The following CNBD1 variants were observed in gnomAD, a reference collection of about 807,000 sequenced individuals.
The protein encoded by CNBD1 is cyclic nucleotide binding domain containing 1.
CNBD1 carries 71 observed loss-of-function variants against 54.4 expected under a neutral mutation model. The observed-to-expected ratio is 1.30, with a 90% CI of 1.08 to 1.59. The LOEUF is 1.59. Among genes scored for constraint, CNBD1 ranks in the 40% most tolerant of loss-of-function variants. The pLI is 0.00. For synonymous variants in CNBD1, 182 were observed against 170.7 expected, an observed-to-expected ratio of 1.07 and a Z score of -0.51; for missense variants, 659 against 518.0, an observed-to-expected ratio of 1.27 and a Z score of -2.64.
At chr8:87,217,587 TTA>T (rs1491498860) in intron 5 of CNBD1, among the ~76,000 whole-genome samples, 8 of 148,212 alleles carry the variant, frequency 5.4e-5, no homozygotes, top group Non-Finnish European at 7.6e-5. Context: ...TTTTTTTTTT[TTA>T]AATAGCCACA....
intron 4 of CNBD1, among the ~76,000 whole-genome samples, chr8:87,046,215 G>C (rs1233626534): frequency 6.6e-6 from 1 of 152,052 alleles, no homozygotes; most frequent in Non-Finnish European, 1.5e-5. Flanking sequence ...TCATAATAGA[G>C]ATATTAAGTA....
chr8:86,868,140 A>G (rs1808390321), intron 1 of CNBD1, among the ~76,000 whole-genome samples: 1 of 152,220 alleles, frequency 6.6e-6, no homozygotes, highest in Non-Finnish European at 1.5e-5. Context: ...AATGCTTTCA[A>G]TTTATGAAAT....
chr8:87,379,602 T>G (rs969219512), intron 10 of CNBD1, among the ~76,000 whole-genome samples: 15 of 152,034 alleles, frequency 9.9e-5, no homozygotes, highest in Admixed American at 9.9e-4. Context: ...CATTCATTTT[T>G]GATGAAGAAA....
chr8:86,957,334 C>A lies in CNBD1; in HGVS notation c.431+17580C>A, dbSNP rs374512821. On this transcript the variant is annotated intron_variant, in intron 4 of 10. Coordinates refer to ENST00000518476, the MANE Select transcript of CNBD1 (RefSeq NM_173538.3). ...GCCAGGCTTTGGTATCAGGATGATGCTGGCCTCATAAAATGAGTTAGGGAG... is the reference window on the plus strand; with the variant it reads ...GCCAGGCTTTGGTATCAGGATGATGATGGCCTCATAAAATGAGTTAGGGAG... Among the ~76,000 whole-genome samples, 64 of 152,280 alleles carry A rather than the reference C, an allele frequency of 4.2e-4. No individual in the cohort carries two copies. The East Asian group carries it at 0.012, about 28-fold the overall frequency.
chr8:86,924,500 A>C (rs917193445), intron 3 of CNBD1, among the ~76,000 whole-genome samples: 1 of 152,202 alleles, frequency 6.6e-6, no homozygotes, highest in African/African-American at 2.4e-5. Flanking sequence ...CAGGTGTGTC[A>C]CTAATTCAGC....
chr8:87,386,885 C>T (rs1811200750), downstream of CNBD1, among the ~76,000 whole-genome samples: 1 of 152,198 alleles, frequency 6.6e-6, no homozygotes, highest in African/African-American at 2.4e-5. Flanking sequence ...CAAAGGGAAG[C>T]CCATGAGACT....
intron 4 of CNBD1, among the ~76,000 whole-genome samples, chr8:87,118,156 A>G (rs1811813431): frequency 6.6e-6 from 1 of 151,906 alleles, no homozygotes; most frequent in Non-Finnish European, 1.5e-5. Context: ...TCTACTAAAA[A>G]TACAAAAAAT....
intron 4 of CNBD1, among the ~76,000 whole-genome samples, chr8:87,006,934 C>A (rs577296510): frequency 6.6e-6 from 1 of 152,236 alleles, no homozygotes; most frequent in South Asian, 2.1e-4. Flanking sequence ...CCGCGGCTCA[C>A]GCCTGTAATC....
At chr8:87,077,394 CCT>C (rs1491109871) in intron 4 of CNBD1, among the ~76,000 whole-genome samples, 3 of 148,696 alleles carry the variant, frequency 2.0e-5, no homozygotes, top group African/African-American at 7.5e-5. Context: ...AGCTCTTAGG[CCT>C]CTTCTTCTTC....
At chr8:87,074,611 G>C (rs1160394100) in intron 4 of CNBD1, among the ~76,000 whole-genome samples, 3 of 152,180 alleles carry the variant, frequency 2.0e-5, no homozygotes, top group African/African-American at 7.2e-5. Context: ...GCAAAGATCG[G>C]TGAGAGAAGT....
At chr8:87,279,064 A>G (rs904368537) in intron 6 of CNBD1, among the ~76,000 whole-genome samples, 1 of 151,280 alleles carries the variant, frequency 6.6e-6, no homozygotes, top group Non-Finnish European at 1.5e-5. Flanking sequence ...TTAATCTTTT[A>G]TTGTGCCTAA....
At chr8:87,379,136 T>A (rs1480956151) in intron 10 of CNBD1, among the ~76,000 whole-genome samples, 1 of 151,882 alleles carries the variant, frequency 6.6e-6, no homozygotes, top group Non-Finnish European at 1.5e-5. Flanking sequence ...CCTAATTGAA[T>A]ACCCTTTATT....
At chr8:87,424,495 C>G (rs978564770) in intron 2 of CNBD1, among the ~76,000 whole-genome samples, 1 of 152,172 alleles carries the variant, frequency 6.6e-6, no homozygotes, top group African/African-American at 2.4e-5. Context: ...TCACTGGTTT[C>G]AAAGAACATC....
intron 8 of CNBD1, among the ~76,000 whole-genome samples, chr8:87,335,102 C>T (rs1809916588): frequency 6.6e-6 from 1 of 152,112 alleles, no homozygotes; most frequent in Admixed American, 6.6e-5. Flanking sequence ...TTTGCATTTG[C>T]TGAGGAGCGT....
intron 6 of CNBD1, among the ~76,000 whole-genome samples, chr8:87,244,508 T>G (rs867112508): frequency 2.6e-5 from 4 of 152,188 alleles, no homozygotes; most frequent in Admixed American, 6.5e-5. Context: ...ATAATACATT[T>G]TTGTTTAACA....
intron 4 of CNBD1, among the ~76,000 whole-genome samples, chr8:87,146,379 T>G (rs1226708745): frequency 1.3e-5 from 2 of 152,192 alleles, no homozygotes; most frequent in Non-Finnish European, 2.9e-5. Context: ...TAATATGTGT[T>G]ATGACACTTG....
At chr8:87,153,570 G>A (rs145002851) in intron 4 of CNBD1, among the ~76,000 whole-genome samples, 15 of 152,288 alleles carry the variant, frequency 9.8e-5, no homozygotes, top group African/African-American at 3.6e-4. Context: ...AAGTGGACAT[G>A]TAATGGGACG....
In CNBD1 at chr8:87,206,119, C is replaced by A; in HGVS notation, c.558C>A (p.Thr186=). The stretch of plus-strand genomic sequence containing the variant: ...TTAGTAAGACTGTCTTTTCCGAAAC[C>A]TGGTTGAAAGGCAGCACAGGTAATA... The part of the protein sequence containing the change: ...KTLSKTVFSE[T]WLKGSTVVAN... Residue 186 remains threonine, a synonymous_variant, in exon 5 of 11, where the codon ACC becomes ACA. Transcript: ENST00000518476. 2 of 1,587,318 alleles carry A rather than the reference C, an allele frequency of 1.3e-6. No individual in the cohort carries two copies. Among genetic ancestry groups the A allele is most frequent in the Admixed American group, 1.8e-5 (1 of 55,116 alleles).
At chr8:87,069,723 A>C (rs1305667546) in intron 4 of CNBD1, among the ~76,000 whole-genome samples, 1 of 152,036 alleles carries the variant, frequency 6.6e-6, no homozygotes. Flanking sequence ...TTCTTGCTCC[A>C]CCTTGTCTTT....
Sources: gnomAD v4.1 joint callset for allele counts (sites outside exome capture counted in the v4.1 genomes callset) on GRCh38, gnomAD v4.1.1 for gene constraint, MANE v1.5 for transcripts, NCBI Gene and HGNC (gene_info 2026-07-23, HGNC 2026-07-21) for gene names.